WWOX: variants seen among roughly 807,000 people sequenced by gnomAD.
WWOX encodes the protein WW domain-containing oxidoreductase.
WWOX carries 69 observed loss-of-function variants against 46.2 expected under a neutral mutation model. That is an observed-to-expected ratio of 1.49 (90% confidence interval 1.23 to 1.82). The LOEUF is 1.82. Ranked by LOEUF, WWOX falls within the 40% of genes most tolerant of loss-of-function variation. The pLI, the probability that WWOX is intolerant of heterozygous loss-of-function variation, is 0.00. For missense variants in WWOX, 919 were observed against 542.6 expected (o/e 1.69, Z -6.89); for synonymous variants, 359 against 202.6 (o/e 1.77, Z -6.56).
intron 8 of WWOX, among the ~76,000 whole-genome samples, chr16:78,673,313 G>T (rs1214862233): frequency 1.3e-5 from 2 of 152,224 alleles, no homozygotes; most frequent in African/African-American, 4.8e-5. Flanking sequence ...CCCTGCCCCA[G>T]TCTCTTTCTC....
intron 8 of WWOX, among the ~76,000 whole-genome samples, chr16:78,688,556 A>G (rs988892476): frequency 5.3e-5 from 8 of 152,040 alleles, no homozygotes; most frequent in African/African-American, 9.7e-5. Flanking sequence ...AGCGGAGACA[A>G]CTGTCCCCCT....
At chr16:78,842,036 C>G (rs758137683) in intron 8 of WWOX, among the ~76,000 whole-genome samples, 3 of 152,158 alleles carry the variant, frequency 2.0e-5, no homozygotes, top group East Asian at 3.9e-4. Flanking sequence ...TAATTGGCAT[C>G]TCCCCTTCAA....
At chr16:78,858,728 G>A (rs950470074) in intron 8 of WWOX, among the ~76,000 whole-genome samples, 2 of 151,588 alleles carry the variant, frequency 1.3e-5, no homozygotes, top group African/African-American at 4.8e-5. Context: ...CACCCATTCT[G>A]TAGTGCAGGG....
At chr16:79,025,524 G>A (rs549399334) in intron 8 of WWOX, among the ~76,000 whole-genome samples, 2 of 152,162 alleles carry the variant, frequency 1.3e-5, no homozygotes, top group Admixed American at 1.3e-4. Flanking sequence ...TCCCCCACAA[G>A]CCAGGGAGCA....
chr16:78,381,686 C>T (rs1299933901), intron 5 of WWOX, among the ~76,000 whole-genome samples: 2 of 152,134 alleles, frequency 1.3e-5, no homozygotes, highest in Admixed American at 6.6e-5. Context: ...AGCCATTTTA[C>T]AGCATTTCAA....
At chr16:78,837,892 T>C (rs1296890227) in intron 8 of WWOX, among the ~76,000 whole-genome samples, 1 of 152,186 alleles carries the variant, frequency 6.6e-6, no homozygotes, top group Non-Finnish European at 1.5e-5. Context: ...TGTCCCCATT[T>C]TACAGATGAG....
intron 6 of WWOX, among the ~76,000 whole-genome samples, chr16:78,421,127 T>A (rs1242123257): frequency 1.3e-5 from 2 of 152,204 alleles, no homozygotes; most frequent in Non-Finnish European, 2.9e-5. Context: ...TAGGAAATAA[T>A]CTTGGAAGCT....
chr16:78,669,176 C>T (rs1344456804), intron 8 of WWOX, among the ~76,000 whole-genome samples: 1 of 152,136 alleles, frequency 6.6e-6, no homozygotes, highest in African/African-American at 2.4e-5. Flanking sequence ...AACCGGAAGA[C>T]AAAAAACTTC....
intron 6 of WWOX, among the ~76,000 whole-genome samples, chr16:78,421,687 C>T (rs530300188): frequency 9.9e-5 from 15 of 152,182 alleles, no homozygotes; most frequent in African/African-American, 3.6e-4. Context: ...GCCCCAGATG[C>T]AGGTAAAATG....
chr16:79,077,515 T>G lies in WWOX; in HGVS notation c.1057-134093T>G, dbSNP rs962293426. 9.2e-5 allele frequency: 14 copies of G among 152,306 alleles called. No homozygotes were observed. In the South Asian group the frequency reaches 1.7e-3, roughly 18 times the overall value. 9.4% of individuals were successfully genotyped at this position (152,306 alleles called of 1,614,324 possible). ...TGCAATTCACAGAGATGGTCTAAAC[T>G]GTAAACATGCAGCTGTGGGGTTTGT... On this transcript the variant is annotated intron_variant, in intron 8 of 8. Transcript: ENST00000566780.
intron 8 of WWOX, among the ~76,000 whole-genome samples, chr16:79,123,263 A>C (rs1039414545): frequency 1.3e-5 from 2 of 152,176 alleles, no homozygotes; most frequent in Admixed American, 1.3e-4. Context: ...TGGGGACAGG[A>C]GAGCTGAGCA....
At chr16:79,096,178 CTTTT>C (rs909458756) in intron 8 of WWOX, among the ~76,000 whole-genome samples, 2 of 151,900 alleles carry the variant, frequency 1.3e-5, no homozygotes, top group Non-Finnish European at 2.9e-5. Context: ...ACAGTCCTTT[CTTTT>C]AAGGGCCTCC....
intron 8 of WWOX, among the ~76,000 whole-genome samples, chr16:78,811,515 C>G (rs1372850490): frequency 6.7e-6 from 1 of 148,748 alleles, no homozygotes; most frequent in East Asian, 2.0e-4. Context: ...TTTCTTTTTC[C>G]TTTTTCTCTC....
chr16:78,731,746 A>G (rs1023209535), intron 8 of WWOX, among the ~76,000 whole-genome samples: 2 of 152,122 alleles, frequency 1.3e-5, no homozygotes, highest in Admixed American at 6.5e-5. Context: ...CAGACTGGGC[A>G]GTAGTTCCCT....
chr16:78,915,527 C>T (rs1382655670), intron 8 of WWOX, among the ~76,000 whole-genome samples: 1 of 152,090 alleles, frequency 6.6e-6, no homozygotes, highest in East Asian at 1.9e-4. Context: ...ATCAATGAGC[C>T]AAATGTTAGC....
At chr16:79,097,986 C>CTA (rs2049111525) in intron 8 of WWOX, among the ~76,000 whole-genome samples, 2 of 152,156 alleles carry the variant, frequency 1.3e-5, no homozygotes. Flanking sequence ...GCCTTTAAAA[C>CTA]CATATCCCAG....
intron 8 of WWOX, among the ~76,000 whole-genome samples, chr16:79,082,771 A>G (rs1276690200): frequency 6.7e-6 from 1 of 150,238 alleles, no homozygotes; most frequent in Non-Finnish European, 1.5e-5. Flanking sequence ...TGTAGGGAAG[A>G]TGGGAGGGAG....
intron 8 of WWOX, among the ~76,000 whole-genome samples, chr16:78,982,330 C>T (rs2046699044): frequency 1.3e-5 from 2 of 152,118 alleles, no homozygotes; most frequent in Non-Finnish European, 1.5e-5. Flanking sequence ...AAAAAAATAC[C>T]TCCTCTTCAC....
intron 8 of WWOX, among the ~76,000 whole-genome samples, chr16:79,007,057 C>G (rs776539355): frequency 6.6e-6 from 1 of 152,086 alleles, no homozygotes. Context: ...CATTATCCAG[C>G]CTTCCACAGG....
Sources: gnomAD v4.1 joint callset for allele counts (sites outside exome capture counted in the v4.1 genomes callset) on GRCh38, gnomAD v4.1.1 for gene constraint, MANE v1.5 for transcripts, NCBI Gene and HGNC (gene_info 2026-07-23, HGNC 2026-07-21) for gene names.